Variants in ACY3 observed in about 807,000 individuals in gnomAD.
ACY3 encodes the protein N-acyl-aromatic-L-amino acid amidohydrolase (carboxylate-forming).
Under a neutral mutation model 24.6 loss-of-function variants are expected in ACY3, and 20 were observed. The observed-to-expected ratio is 0.81, with a 90% CI of 0.57 to 1.18. The LOEUF is 1.18. ACY3 is among the 50% of genes most tolerant of loss of function. The pLI is 0.00. For synonymous variants in ACY3, 174 were observed against 188.4 expected, an observed-to-expected ratio of 0.92 and a Z score of 0.62; for missense variants, 423 against 426.8, an observed-to-expected ratio of 0.99 and a Z score of 0.08.
At chr11:67,644,376 G>A (rs1855467635) in intron 7 of ACY3, among the ~76,000 whole-genome samples, 1 of 152,188 alleles carries the variant, frequency 6.6e-6, no homozygotes, top group Non-Finnish European at 1.5e-5. Flanking sequence ...GGATGCTCGA[G>A]GAACCAATTG....
At chr11:67,649,859 AGT>A (rs992582568) in intron 1 of ACY3, among the ~76,000 whole-genome samples, 16 of 131,800 alleles carry the variant, frequency 1.2e-4, no homozygotes, top group Admixed American at 3.0e-4. Flanking sequence ...TGTGCATGAG[AGT>A]GTGTGTGCAT....
At chr11:67,642,963 G>C (rs1253447586) in intron 7 of ACY3, 24 bp from the exon 8 acceptor site, 9 of 1,605,106 alleles carry the variant, frequency 5.6e-6, no homozygotes, top group Non-Finnish European at 7.7e-6. Flanking sequence ...CAAAGGCCAA[G>C]ATTGCTGGGG....
intron 1 of ACY3, among the ~76,000 whole-genome samples, chr11:67,648,937 G>A (rs1049776030): frequency 6.6e-6 from 1 of 152,142 alleles, no homozygotes; most frequent in Non-Finnish European, 1.5e-5. Context: ...CCCTCCAGGG[G>A]CCACTCCTCC....
At chr11:67,649,815 T>C (rs1287139024) in intron 1 of ACY3, among the ~76,000 whole-genome samples, 3 of 146,852 alleles carry the variant, frequency 2.0e-5, no homozygotes, top group Middle Eastern at 3.6e-3. Context: ...ATTGTGTGCA[T>C]GTGTGCATGC....
rs370834010 is a variant in ACY3, at chr11:67,645,358, C to A, written c.455G>T (p.Cys152Phe). 6.2e-7 allele frequency: 1 copy of A among 1,613,570 alleles called. No homozygotes were observed. Among genetic ancestry groups the A allele is most frequent in the East Asian group, 2.2e-5 (1 of 44,866 alleles). Residue 152 changes from cysteine (C) to phenylalanine (F), a missense_variant, in exon 5 of 8, where the codon TGC becomes TTC. Coordinates refer to ENST00000255082, the MANE Select transcript of ACY3 (RefSeq NM_080658.2). ...HLQLQYPELS[C>F]QVFLYQRSGE... Reference sequence around the variant, plus strand: ...AGACCGCTGGTACAGGAAGACCTGGCAGGACAGCTCGGGGTACTGCAGCTG... The same window carrying A: ...AGACCGCTGGTACAGGAAGACCTGGAAGGACAGCTCGGGGTACTGCAGCTG...
At position 67,642,928 on chromosome 11, in the gene ACY3, G is replaced by T. The variant is rs535527775; in HGVS notation, c.756C>A (p.Phe252Leu). The stretch of plus-strand genomic sequence containing the variant: ...TGGGAGCACCAGGCTGCAGTGGCTG[G>T]AAGTCTCGGTCCTGGGAGGAGAGCC... ...TVHPQLQDRD[F>L]QPLQPGAPIF... Residue 252 changes from phenylalanine to leucine, a missense_variant, in exon 8 of 8, where the codon TTC becomes TTA. Coordinates refer to ENST00000255082, the MANE Select transcript of ACY3 (RefSeq NM_080658.2). 1 of 1,613,666 alleles carries T rather than the reference G, an allele frequency of 6.2e-7. No individual in the cohort carries two copies. The highest frequency in any genetic ancestry group is 8.5e-7 in the Non-Finnish European group (1 of 1,179,946).
At chr11:67,644,562 A>G (rs112630085) in intron 7 of ACY3, among the ~76,000 whole-genome samples, 198 bp downstream of exon 7, 1,669 of 152,270 alleles carry the variant, frequency 0.011, 39 homozygotes, top group African/African-American at 0.037. Context: ...GTGGGGTTCC[A>G]GGGAAGGCAG....
At chr11:67,645,403 A>C (rs757820368) in intron 4 of ACY3, 23 bp from the exon 5 acceptor site, 4 of 1,607,872 alleles carry the variant, frequency 2.5e-6, no homozygotes, top group Non-Finnish European at 3.4e-6. Context: ...GAGGCAGGTT[A>C]GGGGCCCAGG....
At chr11:67,644,726 C>T (rs1056305958) in intron 7 of ACY3, 34 bp downstream of exon 7, 26 of 1,439,926 alleles carry the variant, frequency 1.8e-5, no homozygotes, top group Middle Eastern at 2.2e-4. Context: ...CAGAAATCAC[C>T]CCCCACCACA....
intron 4 of ACY3, 50 bp downstream of exon 4, chr11:67,645,642 C>T (rs745646877): frequency 6.5e-7 from 1 of 1,540,132 alleles, no homozygotes; most frequent in Non-Finnish European, 8.8e-7. Flanking sequence ...GCCTGCCCTC[C>T]CTCCCTCCCA....
chr11:67,648,411 G>A lies in ACY3; in HGVS notation c.-94-822C>T, dbSNP rs2134113197. Reference sequence around the variant, plus strand: ...TGCCTCTCAAGAGCAAAGTGGGGAAGGATGAAGGTGAGGTCCCCTGCACTC... The same window carrying A: ...TGCCTCTCAAGAGCAAAGTGGGGAAAGATGAAGGTGAGGTCCCCTGCACTC... On this transcript the variant is annotated intron_variant, in intron 1 of 7. Transcript: ENST00000255082. Among the ~76,000 whole-genome samples, 2 of 152,320 alleles carry A rather than the reference G, an allele frequency of 1.3e-5. 1 individual carries two copies. Among genetic ancestry groups the A allele is most frequent in the South Asian group, 4.1e-4 (2 of 4,824 alleles).
chr11:67,650,399 C>G (rs1368384399), intron 1 of ACY3, among the ~76,000 whole-genome samples, 184 bp downstream of exon 1: 1 of 152,170 alleles, frequency 6.6e-6, no homozygotes, highest in East Asian at 1.9e-4. Flanking sequence ...TTACTTGTTG[C>G]AAGAAATAAA....
chr11:67,644,754 A>ACG lies in ACY3; in HGVS notation c.744+5_744+6insCG. The ACG allele has an allele frequency of 6.5e-7, 1 of 1,547,982 alleles. No individual in the cohort carries two copies. Among genetic ancestry groups the ACG allele is most frequent in the Non-Finnish European group, 8.7e-7 (1 of 1,147,180 alleles). ...CCACCACACACACACACACACACAC[A>ACG]CACACCTGCAGCTGAGGATGCACAG... On this transcript the variant is annotated splice_donor_region_variant and intron_variant, in intron 7 of 7. Coordinates refer to ENST00000255082, the MANE Select transcript of ACY3 (RefSeq NM_080658.2).
intron 1 of ACY3, among the ~76,000 whole-genome samples, chr11:67,648,617 C>G (rs1006514210): frequency 6.6e-6 from 1 of 152,188 alleles, no homozygotes; most frequent in Non-Finnish European, 1.5e-5. Context: ...TACCACCACA[C>G]TGGGTCTCCC....
chr11:67,645,936 C>T (rs1565238660), intron 3 of ACY3, 49 bp from the exon 4 acceptor site: 1 of 1,528,660 alleles, frequency 6.5e-7, no homozygotes, highest in Non-Finnish European at 8.8e-7. Context: ...CTCAGTCAGT[C>T]TTCAGTGGTT....
At chr11:67,649,216 T>TC (rs1855571205) in intron 1 of ACY3, among the ~76,000 whole-genome samples, 1 of 151,940 alleles carries the variant, frequency 6.6e-6, no homozygotes, top group African/African-American at 2.4e-5. Context: ...GCTTTATGAG[T>TC]CCCAGGCCAT....
At chr11:67,643,358 A>AGTGT (rs1481200215) in intron 7 of ACY3, among the ~76,000 whole-genome samples, 1 of 152,262 alleles carries the variant, frequency 6.6e-6, no homozygotes. Flanking sequence ...AGTGTCTGGC[A>AGTGT]CACGGTAAGT....
chr11:67,647,929 C>T (rs535660572), intron 1 of ACY3, among the ~76,000 whole-genome samples: 2 of 152,264 alleles, frequency 1.3e-5, no homozygotes, highest in African/African-American at 2.4e-5. Flanking sequence ...CCTTGATGGC[C>T]ACCAAGATGA....
At chr11:67,650,463 G>A (rs903544751) in intron 1 of ACY3, 120 bp downstream of exon 1, 6 of 152,206 alleles carry the variant, frequency 3.9e-5, no homozygotes, top group Admixed American at 2.6e-4. Context: ...GAGCCCACCC[G>A]TTGTGTGGGT....
Sources: allele counts gnomAD v4.1 joint callset (sites outside exome capture counted in the v4.1 genomes callset), GRCh38; gene constraint gnomAD v4.1.1; transcripts MANE v1.5; gene names NCBI Gene and HGNC (gene_info 2026-07-23, HGNC 2026-07-21).